Variants in FRMPD2 observed in about 807,000 individuals in gnomAD.
FRMPD2 encodes the protein FERM and PDZ domain containing 2.
Under a neutral mutation model 140.1 loss-of-function variants are expected in FRMPD2, and 96 were observed. That is an observed-to-expected ratio of 0.69 (90% confidence interval 0.58 to 0.81). The LOEUF (loss-of-function observed/expected upper bound fraction) is 0.81, where lower values mean the gene tolerates loss of function less well. Among genes scored for constraint, FRMPD2 ranks in the 40% least tolerant of loss-of-function variants. The pLI is 0.00. For missense variants in FRMPD2, 1,240 were observed against 1,447.4 expected (o/e 0.86, Z 2.32); for synonymous variants, 449 against 547.6 (o/e 0.82, Z 2.52).
chr10:48,236,694 A>T, intron 8 of FRMPD2, 141 bp from the exon 9 acceptor site: 1 of 731,566 alleles, frequency 1.4e-6, no homozygotes, highest in South Asian at 1.7e-5. Flanking sequence ...GATGGGGCTG[A>T]CCTGGGCTGA....
At chr10:48,264,197 G>T (rs942730811) in intron 1 of FRMPD2, among the ~76,000 whole-genome samples, 2 of 151,716 alleles carry the variant, frequency 1.3e-5, no homozygotes, top group African/African-American at 2.4e-5. Flanking sequence ...ATGACCTAAG[G>T]GTGTGAAACT....
intron 28 of FRMPD2, among the ~76,000 whole-genome samples, chr10:48,159,392 G>A (rs1191865816): frequency 2.0e-5 from 3 of 151,472 alleles, no homozygotes; most frequent in Non-Finnish European, 4.4e-5. Flanking sequence ...CTGGGAGCCT[G>A]TAAGGTGTAA....
Position 48,244,657 on chromosome 10 carries a change from C to T in FRMPD2, c.375+127G>A, listed in dbSNP as rs959250642. On this transcript the variant is annotated intron_variant, in intron 4 of 28. Transcript: ENST00000374201. ...TGTGTGATAAGTTCTCAACGCCTGC[C>T]TAGGACCTAGAGGACGGGAGAGTGG... 118 of 710,434 alleles carry T rather than the reference C, an allele frequency of 1.7e-4. 1 individual carries two copies. In the African/African-American group the frequency reaches 1.8e-3, roughly 11 times the overall value. 44.0% of individuals were successfully genotyped at this position (710,434 alleles called of 1,614,324 possible).
chr10:48,187,344 G>GT (rs1386032750), intron 16 of FRMPD2, 52 bp from the exon 17 acceptor site: 3 of 1,536,298 alleles, frequency 2.0e-6, no homozygotes, highest in Non-Finnish European at 2.7e-6. Flanking sequence ...GGGAAGGACA[G>GT]TGAGGTTAGA....
chr10:48,179,369 G>A (rs1838486232), intron 21 of FRMPD2, among the ~76,000 whole-genome samples: 1 of 148,710 alleles, frequency 6.7e-6, no homozygotes, highest in South Asian at 2.1e-4. Flanking sequence ...AGACCCTCAA[G>A]TGAGAATGCC....
At chr10:48,178,301 C>T (rs1838461347) in intron 21 of FRMPD2, 150 bp from the exon 22 acceptor site, 3 of 595,020 alleles carry the variant, frequency 5.0e-6, no homozygotes, top group East Asian at 5.9e-5. Flanking sequence ...CCAGCTTTAT[C>T]AGGCCTTCTG....
chr10:48,236,490 A>C lies in FRMPD2; in HGVS notation c.985T>G (p.Ser329Ala), dbSNP rs770332929. ...EAPMTLHLPGSVVTKKGKSYL... is the reference protein window; with the variant it reads ...EAPMTLHLPGAVVTKKGKSYL... ...TCTAGCCCAGTAGTTACCACAACCG[A>C]TCCCGGCAGATGTAGTGTCATCGGG... The change falls in exon 9 of 29, where the codon TCG becomes GCG. Residue 329 changes from serine to alanine, a missense_variant. This residue lies in a region of FRMPD2 where 1,161 missense variants were observed against 1,055.9 expected (regional missense o/e 1.10). Coordinates refer to ENST00000374201, the MANE Select transcript of FRMPD2 (RefSeq NM_001018071.4). 3 of 1,614,148 alleles carry C rather than the reference A, an allele frequency of 1.9e-6. No homozygotes were observed. In the Admixed American group the frequency reaches 5.0e-5, roughly 27 times the overall value.
At chr10:48,252,148 GA>G (rs1245639948) in intron 1 of FRMPD2, among the ~76,000 whole-genome samples, 4 of 152,140 alleles carry the variant, frequency 2.6e-5, no homozygotes, top group African/African-American at 9.7e-5. Flanking sequence ...GCCACATGTA[GA>G]GTCAGATTTG....
At chr10:48,251,052 C>T (rs925002880) in intron 2 of FRMPD2, among the ~76,000 whole-genome samples, 1 of 152,100 alleles carries the variant, frequency 6.6e-6, no homozygotes, top group African/African-American at 2.4e-5. Context: ...ATCTGCCCAC[C>T]TTGGCCTCCC....
chr10:48,208,479 C>A (rs1839249227), intron 13 of FRMPD2, among the ~76,000 whole-genome samples: 1 of 152,178 alleles, frequency 6.6e-6, no homozygotes, highest in Non-Finnish European at 1.5e-5. Context: ...GATAGTGAAG[C>A]TATCCTTTTT....
At chr10:48,261,236 T>C (rs1840584001) in intron 1 of FRMPD2, among the ~76,000 whole-genome samples, 2 of 152,032 alleles carry the variant, frequency 1.3e-5, no homozygotes, top group South Asian at 4.1e-4. Flanking sequence ...ATTTGAATAA[T>C]GGCTGAGAAT....
chr10:48,184,600 AG>A lies in FRMPD2; in HGVS notation c.2549del (p.Pro850LeufsTer4). On this transcript the variant is annotated frameshift_variant, in exon 20 of 29. Coordinates refer to ENST00000374201, the MANE Select transcript of FRMPD2 (RefSeq NM_001018071.4). LOFTEE classifies it high-confidence loss of function. ...GAGAAATAATTAATTCTATGTTGTC[AG>A]GGGAATTCTGGATCATCCTAACAGC... ...NMAVRMIQNSPDNIELIISQS... is the reference protein window; with the variant it reads ...NMAVRMIQNSXDNIELIISQS... The A allele has an allele frequency of 6.2e-7, 1 of 1,612,740 alleles. No individual in the cohort carries two copies. Among genetic ancestry groups the A allele is most frequent in the Middle Eastern group, 1.7e-4 (1 of 6,060 alleles).
rs528701633 is a variant in FRMPD2 at position 48,160,074 on chromosome 10, A to G, written c.3882-2704T>C. The stretch of plus-strand genomic sequence containing the variant: ...CCTTCCAAAGTGATGTTTCAAGGGT[A>G]ATGAGACTTGATGTGATTGTTGCCT... On this transcript the variant is annotated intron_variant, in intron 28 of 28. Coordinates refer to ENST00000374201, the MANE Select transcript of FRMPD2 (RefSeq NM_001018071.4). 6.2e-3 allele frequency among the ~76,000 whole-genome samples: 940 copies of G among 151,604 alleles called. 23 individuals carry two copies. The highest frequency in any genetic ancestry group is 0.021 in the African/African-American group (865 of 41,188).
Position 48,274,623 on chromosome 10 carries a change from G to T in FRMPD2, c.-56C>A. 2 of 1,558,286 alleles carry T rather than the reference G, an allele frequency of 1.3e-6. No homozygotes were observed. Among genetic ancestry groups the T allele is most frequent in the Non-Finnish European group, 1.8e-6 (2 of 1,131,300 alleles). On this transcript the variant is annotated 5_prime_UTR_variant, in exon 1 of 29. Transcript: ENST00000374201. ...TCATCATGGGACAACTTTCCAACAA[G>T]GAGCAGGGGTCTCTTGCAAGTCTGT...
At chr10:48,267,585 A>G (rs1273427161) in intron 1 of FRMPD2, among the ~76,000 whole-genome samples, 1 of 152,254 alleles carries the variant, frequency 6.6e-6, no homozygotes, top group Admixed American at 6.5e-5. Flanking sequence ...ATAAGGGTCT[A>G]GTAACTGGAA....
chr10:48,251,847 G>A (rs1350365500), intron 1 of FRMPD2, 156 bp from the exon 2 acceptor site: 1 of 745,896 alleles, frequency 1.3e-6, no homozygotes, highest in African/African-American at 1.7e-5. Context: ...CAGGCACAGA[G>A]CCAAGCACAC....
chr10:48,193,071 C>G, intron 15 of FRMPD2, 177 bp from the exon 16 acceptor site: 1 of 602,610 alleles, frequency 1.7e-6, no homozygotes, highest in South Asian at 2.0e-5. Context: ...TTAGCACTTG[C>G]TAATGAAAGA....
At chr10:48,196,432 C>T (rs556194363) in intron 15 of FRMPD2, among the ~76,000 whole-genome samples, 10 of 152,274 alleles carry the variant, frequency 6.6e-5, no homozygotes, top group Middle Eastern at 3.4e-3. Flanking sequence ...ATGTGACGTG[C>T]CTCCATTTCA....
intron 5 of FRMPD2, 49 bp from the exon 6 acceptor site, chr10:48,240,541 C>A: frequency 6.2e-7 from 1 of 1,607,598 alleles, no homozygotes; most frequent in Non-Finnish European, 8.5e-7. Flanking sequence ...AAGGAGGGGG[C>A]GTTTTTATAG....
Sources: allele counts gnomAD v4.1 joint callset (sites outside exome capture counted in the v4.1 genomes callset), GRCh38; gene constraint gnomAD v4.1.1; regional missense constraint gnomAD v4.1.1; transcripts MANE v1.5; gene names NCBI Gene and HGNC (gene_info 2026-07-23, HGNC 2026-07-21).